RFC3: variants seen among roughly 807,000 people sequenced by gnomAD.
RFC3 encodes A1 38 kDa subunit.
Under a neutral mutation model 45.1 loss-of-function variants are expected in RFC3, and 41 were observed. The observed-to-expected ratio is 0.91, with a 90% confidence interval of 0.71 to 1.18. The LOEUF (loss-of-function observed/expected upper bound fraction) is 1.18, where lower values mean the gene tolerates loss of function less well. Ranked by LOEUF, RFC3 falls within the 50% of genes most tolerant of loss-of-function variation. RFC3 has a pLI of 0.00. For missense variants in RFC3, 423 were observed against 428.1 expected, an observed-to-expected ratio of 0.99 and a Z score of 0.10; for synonymous variants, 149 against 144.0, an observed-to-expected ratio of 1.03 and a Z score of -0.25.
chr13:33,895,251 C>A (rs1015070040), intron 8 of RFC3, among the ~76,000 whole-genome samples: 1 of 152,190 alleles, frequency 6.6e-6, no homozygotes, highest in Non-Finnish European at 1.5e-5. Flanking sequence ...AAGTATATAT[C>A]TGACACAGGA....
Position 33,866,160 on chromosome 13 carries a change from C to T in RFC3, c.879+30943C>T, listed in dbSNP as rs1277480384. On this transcript the variant is annotated intron_variant, in intron 8 of 8. Transcript: ENST00000434425. The stretch of plus-strand genomic sequence containing the variant: ...TCAAGTGTGGTTCCCCTAACTACAT[C>T]CTCCAAGAGGTCTTAGAAGGAACTG... 2.6e-5 allele frequency among the ~76,000 whole-genome samples: 4 copies of T among 152,198 alleles called. No homozygotes were observed. The South Asian group carries it at 8.3e-4, about 32-fold the overall frequency.
At chr13:33,946,285 T>G (rs1427719934) in intron 8 of RFC3, among the ~76,000 whole-genome samples, 4 of 152,294 alleles carry the variant, frequency 2.6e-5, no homozygotes, top group Middle Eastern at 3.4e-3. Context: ...GCTCAACCAT[T>G]GTCAAGACAC....
intron 8 of RFC3, among the ~76,000 whole-genome samples, chr13:33,859,478 G>C (rs988818300): frequency 1.3e-5 from 2 of 152,130 alleles, no homozygotes; most frequent in Non-Finnish European, 2.9e-5. Context: ...ATTTTAATGA[G>C]TGAAGAGAAC....
At chr13:33,950,101 A>ACG (rs2082980108) in intron 8 of RFC3, among the ~76,000 whole-genome samples, 1 of 150,234 alleles carries the variant, frequency 6.7e-6, no homozygotes, top group Admixed American at 6.6e-5. Context: ...ACACACACAC[A>ACG]CACACCCCGT....
At position 33,914,878 on chromosome 13, in the gene RFC3, T is replaced by C. The variant is rs1265767808; in HGVS notation, c.880-51209T>C. On this transcript the variant is annotated intron_variant, in intron 8 of 8. Transcript: ENST00000434425. ...AAAGAATAAGTATAAAATAGGAAAATGACTGAGAAAGAGCAAACAAAACTG... is the reference window on the plus strand; with the variant it reads ...AAAGAATAAGTATAAAATAGGAAAACGACTGAGAAAGAGCAAACAAAACTG... Among the ~76,000 whole-genome samples, 8 of 152,094 alleles carry C rather than the reference T, an allele frequency of 5.3e-5. No individual in the cohort carries two copies. The East Asian group carries it at 1.4e-3, about 26-fold the overall frequency.
chr13:33,880,385 A>T (rs1186494205), intron 8 of RFC3, among the ~76,000 whole-genome samples: 1 of 152,184 alleles, frequency 6.6e-6, no homozygotes, highest in Non-Finnish European at 1.5e-5. Flanking sequence ...CTTAGGTGAC[A>T]CTATGGTGTG....
intron 8 of RFC3, among the ~76,000 whole-genome samples, chr13:33,863,391 C>T (rs1468615715): frequency 6.6e-6 from 1 of 152,192 alleles, no homozygotes; most frequent in African/African-American, 2.4e-5. Flanking sequence ...CTTCCCCACC[C>T]CGCCTAGGTT....
intron 8 of RFC3, among the ~76,000 whole-genome samples, chr13:33,914,425 A>G (rs577771192): frequency 6.6e-6 from 1 of 152,060 alleles, no homozygotes; most frequent in Non-Finnish European, 1.5e-5. Flanking sequence ...TGCTCCTAAA[A>G]AGTCCAAACT....
In RFC3 at chr13:33,921,321, GC is replaced by G. The variant is rs947541173; in HGVS notation, c.880-44763del. Among the ~76,000 whole-genome samples the G allele has an allele frequency of 3.3e-5, 5 of 152,152 alleles. No individual in the cohort carries two copies. In the East Asian group the frequency reaches 9.7e-4, roughly 29 times the overall value. ...GGCTCCGTAAGTGGAGCTTGGGACTGCCCAAGAGTCAAGTAAGTCTTCCTGA... is the reference window on the plus strand; with the variant it reads ...GGCTCCGTAAGTGGAGCTTGGGACTGCCAAGAGTCAAGTAAGTCTTCCTGA... On this transcript the variant is annotated intron_variant, in intron 8 of 8. Coordinates refer to the RFC3 transcript ENST00000434425.
At chr13:33,899,833 G>T (rs1200764512) in intron 8 of RFC3, among the ~76,000 whole-genome samples, 1 of 151,940 alleles carries the variant, frequency 6.6e-6, no homozygotes, top group Non-Finnish European at 1.5e-5. Flanking sequence ...CAGTAAAGTT[G>T]CAGGATACAA....
intron 8 of RFC3, chr13:33,849,141 T>G (rs1460952348): frequency 1.3e-5 from 2 of 152,334 alleles, no homozygotes; most frequent in Non-Finnish European, 1.5e-5. Context: ...GGTGGAGAAT[T>G]TTGGTTTGTT....
At chr13:33,970,012 T>C (rs955072878), downstream of RFC3, among the ~76,000 whole-genome samples, 2 of 151,972 alleles carry the variant, frequency 1.3e-5, no homozygotes, top group Non-Finnish European at 2.9e-5. Context: ...GGTTGTTTGC[T>C]GCACAGATCA....
downstream of RFC3, among the ~76,000 whole-genome samples, chr13:33,967,030 G>A (rs1375317212): frequency 2.0e-5 from 3 of 151,830 alleles, no homozygotes; most frequent in African/African-American, 7.3e-5. Flanking sequence ...TGGTGGTGCC[G>A]CTTGTGGTCC....
intron 8 of RFC3, among the ~76,000 whole-genome samples, chr13:33,939,433 C>T (rs1048823103): frequency 1.4e-4 from 22 of 152,108 alleles, no homozygotes; most frequent in African/African-American, 1.7e-4. Context: ...CCAAGGTGCT[C>T]GGAAGGTGGT....
At chr13:33,818,881 GTTTTTTTT>G (rs72236854) in intron 1 of RFC3, among the ~76,000 whole-genome samples, 1 of 112,036 alleles carries the variant, frequency 8.9e-6, no homozygotes, top group Non-Finnish European at 1.9e-5. Flanking sequence ...CCTGAGATTA[GTTTTTTTT>G]TTTTTTTTTT....
intron 8 of RFC3, among the ~76,000 whole-genome samples, chr13:33,935,363 A>G (rs2082879563): frequency 1.3e-5 from 2 of 152,172 alleles, no homozygotes; most frequent in Non-Finnish European, 2.9e-5. Flanking sequence ...TCATTCCATA[A>G]TGCAAAAAAG....
chr13:33,945,464 A>T (rs2082949036), intron 8 of RFC3, among the ~76,000 whole-genome samples: 1 of 152,226 alleles, frequency 6.6e-6, no homozygotes, highest in Admixed American at 6.5e-5. Context: ...CTGGGAGCAC[A>T]AAGTGGAGTT....
chr13:33,886,757 T>A (rs1383917199), intron 8 of RFC3, among the ~76,000 whole-genome samples: 1 of 145,618 alleles, frequency 6.9e-6, no homozygotes, highest in East Asian at 2.1e-4. Flanking sequence ...TAGCATTAGG[T>A]ATATCTCCTA....
At chr13:33,891,823 T>C (rs911337116) in intron 8 of RFC3, among the ~76,000 whole-genome samples, 2 of 152,150 alleles carry the variant, frequency 1.3e-5, no homozygotes, top group African/African-American at 2.4e-5. Flanking sequence ...ATATATATAT[T>C]TGCATCATAT....
Sources: gnomAD v4.1 joint callset for allele counts (sites outside exome capture counted in the v4.1 genomes callset) on GRCh38, gnomAD v4.1.1 for gene constraint, MANE v1.5 for transcripts, NCBI Gene and HGNC (gene_info 2026-07-23, HGNC 2026-07-21) for gene names.